Variants in UBR7 observed in about 807,000 individuals in gnomAD.
The protein encoded by UBR7 is ubiquitin protein ligase E3 component n-recognin 7.
In UBR7, 22 loss-of-function variants were observed where a neutral mutation model predicts 57.0. The observed-to-expected ratio is 0.39, with a 90% CI of 0.28 to 0.55. The LOEUF (loss-of-function observed/expected upper bound fraction) is 0.55. Ranked by LOEUF, UBR7 falls within the 20% of genes least tolerant of loss-of-function variation. The probability of loss-of-function intolerance (pLI) is 0.69; values close to 1 mark genes in which losing one functional copy is unlikely to be tolerated. For synonymous variants in UBR7, 167 were observed against 179.8 expected, an observed-to-expected ratio of 0.93 and a Z score of 0.57; for missense variants, 395 against 513.2, an observed-to-expected ratio of 0.77 and a Z score of 2.23.
At chr14:93,221,708 G>A (rs921349797) in intron 9 of UBR7, among the ~76,000 whole-genome samples, 1 of 151,976 alleles carries the variant, frequency 6.6e-6, no homozygotes, top group Admixed American at 6.6e-5. Context: ...TGGGCTGGGC[G>A]CCATGGCTCA....
At chr14:93,211,350 C>T (rs1894477958) in intron 3 of UBR7, among the ~76,000 whole-genome samples, 1 of 143,564 alleles carries the variant, frequency 7.0e-6, no homozygotes, top group African/African-American at 2.7e-5. Context: ...AGTTCAAAAC[C>T]AGCTTGGCCA....
intron 1 of UBR7, among the ~76,000 whole-genome samples, chr14:93,208,778 T>C (rs1287133935): frequency 6.6e-6 from 1 of 152,116 alleles, no homozygotes; most frequent in Non-Finnish European, 1.5e-5. Context: ...GGAAGGTAAC[T>C]ATACCTCTTA....
At chr14:93,216,990 A>C (rs1225500441) in intron 6 of UBR7, among the ~76,000 whole-genome samples, 1 of 151,948 alleles carries the variant, frequency 6.6e-6, no homozygotes, top group Non-Finnish European at 1.5e-5. Flanking sequence ...CACTGTCCAC[A>C]GATGCTGAAC....
intron 4 of UBR7, among the ~76,000 whole-genome samples, chr14:93,213,967 C>T (rs569883672): frequency 2.6e-5 from 4 of 151,950 alleles, no homozygotes; most frequent in African/African-American, 9.7e-5. Context: ...CGCTCTGTCA[C>T]CCAGGCTGGA....
chr14:93,222,704 C>G (rs571985990), intron 10 of UBR7, among the ~76,000 whole-genome samples: 1 of 151,808 alleles, frequency 6.6e-6, no homozygotes, highest in African/African-American at 2.4e-5. Flanking sequence ...GAACACGCCA[C>G]TGCACCCCAG....
chr14:93,221,876 G>A (rs934081694), intron 9 of UBR7, among the ~76,000 whole-genome samples: 4 of 151,976 alleles, frequency 2.6e-5, no homozygotes, highest in African/African-American at 9.7e-5. Flanking sequence ...CCAGCTACTC[G>A]GGAGGCGGAG....
rs1262549725 is a variant in UBR7, at chr14:93,209,631, A to T, written c.151-193A>T. 3.3e-5 allele frequency among the ~76,000 whole-genome samples: 5 copies of T among 152,390 alleles called. No individual in the cohort carries two copies. In the South Asian group the frequency reaches 8.3e-4, roughly 25 times the overall value. On this transcript the variant is annotated intron_variant, in intron 1 of 10. Coordinates refer to ENST00000013070, the MANE Select transcript of UBR7 (RefSeq NM_175748.4). ...TGCTTGCATGAAAAAAAGCACTAGTATAAAAATGAAACTTGCAACGCAACT... is the reference window on the plus strand; with the variant it reads ...TGCTTGCATGAAAAAAAGCACTAGTTTAAAAATGAAACTTGCAACGCAACT...
chr14:93,227,221 CTG>C lies in UBR7; in HGVS notation c.*189_*190del, dbSNP rs780113562. ...ATGCTGACTTCACAGCCAGCGTCCT[CTG>C]TGACTCAGCTGATGCAGCTCATTCC... On this transcript the variant is annotated 3_prime_UTR_variant, in exon 11 of 11. Coordinates refer to ENST00000013070, the MANE Select transcript of UBR7 (RefSeq NM_175748.4). The C allele has an allele frequency of 8.0e-5, 51 of 637,742 alleles. No individual in the cohort carries two copies. The highest frequency in any genetic ancestry group is 1.2e-4 in the Non-Finnish European group (42 of 345,714). 39.5% of individuals were successfully genotyped at this position (637,742 alleles called of 1,614,324 possible).
chr14:93,223,356 T>C (rs987191919), intron 10 of UBR7, among the ~76,000 whole-genome samples: 1 of 139,480 alleles, frequency 7.2e-6, no homozygotes, highest in East Asian at 2.2e-4. Context: ...GATTGTGCTA[T>C]TGCACTCCAG....
chr14:93,224,069 G>A, intron 10 of UBR7: 1 of 1,031,318 alleles, frequency 9.7e-7, no homozygotes, highest in East Asian at 2.4e-5. Context: ...GAGGGGCGGT[G>A]TGTGGCATTT....
At chr14:93,210,620 TA>T in intron 2 of UBR7, 27 bp from the exon 3 acceptor site, 1 of 1,563,416 alleles carries the variant, frequency 6.4e-7, no homozygotes, top group Non-Finnish European at 8.7e-7. Flanking sequence ...AAAAGAAAAA[TA>T]AAATTGTTAT....
intron 6 of UBR7, among the ~76,000 whole-genome samples, chr14:93,218,117 A>G (rs1259270114): frequency 6.7e-6 from 1 of 150,162 alleles, no homozygotes; most frequent in African/African-American, 2.5e-5. Flanking sequence ...AAAATAGCAA[A>G]AGCTATTGTA....
chr14:93,222,049 C>A (rs907024449), intron 9 of UBR7, among the ~76,000 whole-genome samples: 1 of 150,592 alleles, frequency 6.6e-6, no homozygotes, highest in African/African-American at 2.4e-5. Flanking sequence ...TTTAAAAATT[C>A]TTAATCTTTA....
chr14:93,209,500 G>C (rs888620232), intron 1 of UBR7, among the ~76,000 whole-genome samples: 1 of 152,156 alleles, frequency 6.6e-6, no homozygotes, highest in African/African-American at 2.4e-5. Flanking sequence ...CAGCACTTTG[G>C]AAGGCCAAGG....
intron 2 of UBR7, 75 bp downstream of exon 2, chr14:93,210,032 CT>C: frequency 6.6e-7 from 1 of 1,512,890 alleles, no homozygotes; most frequent in South Asian, 1.2e-5. Flanking sequence ...TTTTCCTAAT[CT>C]TGTTTTTTCA....
rs978220104 is a variant in UBR7, at chr14:93,228,115, C to T, written c.*1080C>T. The T allele has an allele frequency of 1.5e-6, 1 of 665,536 alleles. No individual in the cohort carries two copies. Among genetic ancestry groups the T allele is most frequent in the Admixed American group, 2.0e-5 (1 of 48,872 alleles). 41.2% of individuals were successfully genotyped at this position (665,536 alleles called of 1,614,324 possible). A position where few individuals can be genotyped will look rare whatever the true frequency, so the allele number is the denominator to read the frequency against. On this transcript the variant is annotated 3_prime_UTR_variant, in exon 11 of 11. Coordinates refer to ENST00000013070, the MANE Select transcript of UBR7 (RefSeq NM_175748.4). The stretch of plus-strand genomic sequence containing the variant: ...TGTGGAAGAGATTACAAACAAGGCC[C>T]GAGGCTGCACGAATGATGAGTTTTG...
At chr14:93,212,818 C>A (rs1173417843) in intron 4 of UBR7, among the ~76,000 whole-genome samples, 1 of 152,134 alleles carries the variant, frequency 6.6e-6, no homozygotes, top group African/African-American at 2.4e-5. Flanking sequence ...GTTAGTCAAC[C>A]TGATTGTTCT....
intron 1 of UBR7, 26 bp downstream of exon 1, chr14:93,207,467 TC>T: frequency 6.6e-7 from 1 of 1,516,550 alleles, no homozygotes; most frequent in Non-Finnish European, 8.8e-7. Flanking sequence ...GGGCCTCCTC[TC>T]CCCCGGCTCC....
In UBR7 at chr14:93,215,195, CT is replaced by C. The variant is rs750878696; in HGVS notation, c.516del (p.Glu173ArgfsTer14). 1 of 1,582,254 alleles carries C rather than the reference CT, an allele frequency of 6.3e-7. No homozygotes were observed. The highest frequency in any genetic ancestry group is 1.3e-5 in the African/African-American group (1 of 74,590). On this transcript the variant is annotated frameshift_variant, in exon 6 of 11. Transcript: ENST00000013070. LOFTEE classifies it high-confidence loss of function. ...FHGRHLGAIP[P>X]ESGDFQEMVC... is the part of the protein sequence containing the mutation. Reference sequence around the variant, plus strand: ...TCACAGCATCTTGGTGCCATTCCCCCTGAGAGTGGGGATTTTCAGGAGATGG... The same window carrying C: ...TCACAGCATCTTGGTGCCATTCCCCCGAGAGTGGGGATTTTCAGGAGATGG...
Sources: allele counts gnomAD v4.1 joint callset (sites outside exome capture counted in the v4.1 genomes callset), GRCh38; gene constraint gnomAD v4.1.1; transcripts MANE v1.5; gene names NCBI Gene and HGNC (gene_info 2026-07-23, HGNC 2026-07-21).